FARP1: variants seen among roughly 807,000 people sequenced by gnomAD.
FARP1 encodes the protein FERM, ARHGEF and pleckstrin domain-containing protein 1.
Under a neutral mutation model 128.8 loss-of-function variants are expected in FARP1, and 52 were observed. The ratio of observed to expected loss-of-function variants is 0.40; its 90% CI spans 0.32 to 0.51. The LOEUF (loss-of-function observed/expected upper bound fraction) is 0.51, where lower values mean the gene tolerates loss of function less well. Among genes scored for constraint, FARP1 ranks in the 20% least tolerant of loss-of-function variants. The pLI is 0.45. For missense variants in FARP1, 1,333 were observed against 1,367.9 expected, an observed-to-expected ratio of 0.97 and a Z score of 0.40; for synonymous variants, 580 against 551.8, an observed-to-expected ratio of 1.05 and a Z score of -0.72.
At position 98,451,958 on chromosome 13, in the gene FARP1, TGCATCATCTCGGTGA is replaced by T. The variant is rs1252013875; in HGVS notation, c.*3645_*3659del. ...ATCGCACAGATCAGCAACCTCCAAC[TGCATCATCTCGGTGA>T]GCAAGTGCGCAAGCAGTCCAGGGCG... On this transcript the variant is annotated 3_prime_UTR_variant, in exon 27 of 27. Coordinates refer to ENST00000319562, the MANE Select transcript of FARP1 (RefSeq NM_005766.4). 2.0e-5 allele frequency: 3 copies of T among 152,088 alleles called. No homozygotes were observed. The highest frequency in any genetic ancestry group is 7.3e-5 in the African/African-American group (3 of 41,356). 9.4% of individuals were successfully genotyped at this position (152,088 alleles called of 1,614,324 possible).
chr13:98,423,226 T>C (rs1379700583), intron 16 of FARP1, among the ~76,000 whole-genome samples: 1 of 152,212 alleles, frequency 6.6e-6, no homozygotes. Flanking sequence ...TGCTAATCTC[T>C]TTTGGCAACA....
chr13:98,386,782 T>A (rs1890114693), intron 8 of FARP1, among the ~76,000 whole-genome samples: 1 of 152,214 alleles, frequency 6.6e-6, no homozygotes, highest in Non-Finnish European at 1.5e-5. Flanking sequence ...CTTCCAGGTT[T>A]GCTTATATTT....
rs34198874 is a variant in FARP1 at position 98,222,794 on chromosome 13, ATT to A, written c.171+9402_171+9403del. Among the ~76,000 whole-genome samples the A allele has an allele frequency of 1.2e-3, 149 of 124,756 alleles. 1 individual carries two copies. Among genetic ancestry groups the A allele is most frequent in the African/African-American group, 3.2e-3 (104 of 32,396 alleles). The allele number at this position is 124,756 out of a possible 152,430, so 81.8% of individuals were successfully genotyped here. A position where few individuals can be genotyped will look rare whatever the true frequency, so the allele number is the denominator to read the frequency against. On this transcript the variant is annotated intron_variant, in intron 2 of 26. Transcript: ENST00000319562. ...AGGCGTGCACCACCATGCCCAGCTA[ATT>A]TTTTTTTTTTTTTTTTTTTTAAGTA...
intron 25 of FARP1, 151 bp from the exon 26 acceptor site, chr13:98,446,515 G>GCAAA: frequency 1.3e-6 from 1 of 766,578 alleles, no homozygotes; most frequent in Non-Finnish European, 2.1e-6. Flanking sequence ...TCACGTACAG[G>GCAAA]CAAACACTGG....
intron 9 of FARP1, chr13:98,389,494 GGCCTGGAGCCCGGA>G: frequency 6.6e-6 from 1 of 151,990 alleles, no homozygotes; most frequent in South Asian, 2.1e-4. Flanking sequence ...TTCCTGGGGT[GGCCTGGAGCCCGGA>G]GCCGTGGGCG....
chr13:98,353,940 A>G (rs763084955), intron 3 of FARP1, among the ~76,000 whole-genome samples: 6 of 152,270 alleles, frequency 3.9e-5, no homozygotes, highest in Non-Finnish European at 8.8e-5. Context: ...GAAGCTAATG[A>G]AAATTAAACA....
At chr13:98,302,047 G>C (rs1213180523) in intron 2 of FARP1, among the ~76,000 whole-genome samples, 1 of 152,016 alleles carries the variant, frequency 6.6e-6, no homozygotes, top group Non-Finnish European at 1.5e-5. Flanking sequence ...CCCGTACACA[G>C]ACTGGCTCTG....
At chr13:98,309,337 T>G (rs1886344490) in intron 2 of FARP1, among the ~76,000 whole-genome samples, 1 of 150,384 alleles carries the variant, frequency 6.6e-6, no homozygotes, top group African/African-American at 2.5e-5. Flanking sequence ...CGGCTATTTT[T>G]TTTTTGTATT....
At chr13:98,179,912 T>C (rs763510010) in intron 1 of FARP1, among the ~76,000 whole-genome samples, 29 of 152,102 alleles carry the variant, frequency 1.9e-4, no homozygotes, top group Non-Finnish European at 3.8e-4. Context: ...TCATTTTTAG[T>C]AAAGCATCTG....
At position 98,202,180 on chromosome 13, in the gene FARP1, C is replaced by T. The variant is rs114389812; in HGVS notation, c.-23-11040C>T. Reference sequence around the variant, plus strand: ...AGCCTCCCCTGGGGCCAGCTCCTGGCGTGTGGCTCCCCCGGGACAGAGGCA... The same window carrying T: ...AGCCTCCCCTGGGGCCAGCTCCTGGTGTGTGGCTCCCCCGGGACAGAGGCA... On this transcript the variant is annotated intron_variant, in intron 1 of 26. Transcript: ENST00000319562. 5.3e-3 allele frequency among the ~76,000 whole-genome samples: 810 copies of T among 152,294 alleles called. 8 individuals are homozygous for T. Among genetic ancestry groups the T allele is most frequent in the African/African-American group, 0.018 (761 of 41,558 alleles).
At chr13:98,371,556 T>C (rs1424952357) in intron 5 of FARP1, among the ~76,000 whole-genome samples, 1 of 143,480 alleles carries the variant, frequency 7.0e-6, no homozygotes, top group Non-Finnish European at 1.6e-5. Context: ...CTGAAATTCC[T>C]ACTTTTTTTT....
intron 2 of FARP1, among the ~76,000 whole-genome samples, chr13:98,324,925 TG>T (rs2139803634): frequency 6.6e-6 from 1 of 152,352 alleles, no homozygotes; most frequent in South Asian, 2.1e-4. Context: ...CTATTATTTA[TG>T]GTGGGCATTG....
chr13:98,157,669 G>T (rs1235934255), intron 1 of FARP1, among the ~76,000 whole-genome samples: 3 of 152,190 alleles, frequency 2.0e-5, no homozygotes, highest in Admixed American at 6.5e-5. Flanking sequence ...GGTAATGGAG[G>T]TTCAGAGAGG....
At chr13:98,157,498 C>G (rs1056538597) in intron 1 of FARP1, among the ~76,000 whole-genome samples, 1 of 152,184 alleles carries the variant, frequency 6.6e-6, no homozygotes, top group African/African-American at 2.4e-5. Context: ...ACGTCTCCTC[C>G]CGGGTGCCAG....
At chr13:98,285,451 G>A (rs1381198682) in intron 2 of FARP1, among the ~76,000 whole-genome samples, 1 of 152,070 alleles carries the variant, frequency 6.6e-6, no homozygotes, top group Non-Finnish European at 1.5e-5. Context: ...AAGCTGCGTG[G>A]TTGCTTAGTG....
chr13:98,410,294 CT>C (rs1451229433), intron 14 of FARP1, among the ~76,000 whole-genome samples: 1 of 152,262 alleles, frequency 6.6e-6, no homozygotes, highest in Non-Finnish European at 1.5e-5. Flanking sequence ...GATCTCACCC[CT>C]GTCCCTTTAG....
intron 2 of FARP1, among the ~76,000 whole-genome samples, chr13:98,243,315 G>A (rs1430473503): frequency 6.6e-6 from 1 of 152,164 alleles, no homozygotes; most frequent in East Asian, 1.9e-4. Context: ...TGTGGAATGT[G>A]TGCCAGTCTC....
At chr13:98,358,217 C>T (rs1425030169) in intron 3 of FARP1, among the ~76,000 whole-genome samples, 1 of 151,934 alleles carries the variant, frequency 6.6e-6, no homozygotes, top group Non-Finnish European at 1.5e-5. Context: ...CCTGAACTCT[C>T]CCCTCCATCT....
intron 5 of FARP1, among the ~76,000 whole-genome samples, chr13:98,371,143 A>G (rs1431951681): frequency 6.6e-6 from 1 of 151,294 alleles, no homozygotes; most frequent in Non-Finnish European, 1.5e-5. Flanking sequence ...CCTTTTCCTC[A>G]TGTGAATCAC....
Sources: allele counts gnomAD v4.1 joint callset (sites outside exome capture counted in the v4.1 genomes callset), GRCh38; gene constraint gnomAD v4.1.1; transcripts MANE v1.5; gene names NCBI Gene and HGNC (gene_info 2026-07-23, HGNC 2026-07-21).